Variants in ADGRG3 observed in about 807,000 individuals in gnomAD.
ADGRG3 encodes the protein adhesion G protein-coupled receptor G3.
A neutral mutation model predicts 54.3 loss-of-function variants in ADGRG3; 39 were observed. The ratio of observed to expected loss-of-function variants is 0.72; its 90% CI spans 0.56 to 0.94. The LOEUF (loss-of-function observed/expected upper bound fraction) is 0.94. Ranked by LOEUF, ADGRG3 falls within the 40% of genes least tolerant of loss-of-function variation. The pLI, the probability that ADGRG3 is intolerant of heterozygous loss-of-function variation, is 0.00. For missense variants in ADGRG3, 654 were observed against 694.6 expected (o/e 0.94, Z 0.66); for synonymous variants, 312 against 290.0 (o/e 1.08, Z -0.77).
chr16:57,671,009 G>A (rs570632419), intron 1 of ADGRG3, among the ~76,000 whole-genome samples: 110 of 152,224 alleles, frequency 7.2e-4, no homozygotes, highest in African/African-American at 2.6e-3. Flanking sequence ...GTGGCAATCC[G>A]AAAAGTGACA....
At chr16:57,682,244 G>A (rs962742530) in intron 8 of ADGRG3, among the ~76,000 whole-genome samples, 1 of 152,210 alleles carries the variant, frequency 6.6e-6, no homozygotes. Flanking sequence ...CCAGCTTGAA[G>A]GAGCCTAGGG....
chr16:57,684,068 G>T lies in ADGRG3; in HGVS notation c.1018G>T (p.Ala340Ser), dbSNP rs747504917. The change falls in exon 9 of 12, where the codon GCC becomes TCC. Residue 340 changes from alanine (A) to serine (S), a missense_variant. Physicochemically the swap from Ala to Ser is moderately conservative, Grantham distance 99 (BLOSUM62 1). Coordinates refer to ENST00000333493, the MANE Select transcript of ADGRG3 (RefSeq NM_170776.5). ...AAAGGGGTCTGATGCTGCCTGCTGG[G>T]CCCGGGGGGCTGTCTTCCACTACTT... ...GSKGSDAACW[A>S]RGAVFHYFLL... The T allele has an allele frequency of 6.2e-7, 1 of 1,614,078 alleles. No individual in the cohort carries two copies. Among genetic ancestry groups the T allele is most frequent in the African/African-American group, 1.3e-5 (1 of 75,020 alleles).
intron 10 of ADGRG3, among the ~76,000 whole-genome samples, chr16:57,684,912 A>C (rs184088753): frequency 1.3e-5 from 2 of 152,310 alleles, no homozygotes; most frequent in Non-Finnish European, 2.9e-5. Flanking sequence ...AGTGATTCAC[A>C]GTAGCCCTGG....
rs1299300501 is a variant in ADGRG3 at position 57,676,426 on chromosome 16, G to A, written c.345+88G>A. On this transcript the variant is annotated intron_variant, in intron 3 of 11. Coordinates refer to ENST00000333493, the MANE Select transcript of ADGRG3 (RefSeq NM_170776.5). ...AAACTCTAAGAGAGTTATATCCTGT[G>A]ATATAACTAGGGCTTGTCCCTCCCC... 7.9e-6 allele frequency: 10 copies of A among 1,273,772 alleles called. No homozygotes were observed. The South Asian group carries it at 1.1e-4, about 14-fold the overall frequency. The allele number at this position is 1,273,772 out of a possible 1,614,324, so 78.9% of individuals were successfully genotyped here. A position where few individuals can be genotyped will look rare whatever the true frequency, so the allele number is the denominator to read the frequency against.
upstream of ADGRG3, among the ~76,000 whole-genome samples, chr16:57,666,144 C>T (rs1171201242): frequency 4.6e-5 from 7 of 152,172 alleles, no homozygotes; most frequent in Non-Finnish European, 8.8e-5. Context: ...TCTAGGTCTC[C>T]GTGAGGGGGG....
Position 57,673,881 on chromosome 16 carries a change from G to C in ADGRG3, c.206+413G>C, listed in dbSNP as rs60467837. 9.6e-3 allele frequency among the ~76,000 whole-genome samples: 1,461 copies of C among 152,272 alleles called. 23 individuals are homozygous for C. Among genetic ancestry groups the C allele is most frequent in the African/African-American group, 0.033 (1,371 of 41,538 alleles). On this transcript the variant is annotated intron_variant, in intron 2 of 11. Coordinates refer to ENST00000333493, the MANE Select transcript of ADGRG3 (RefSeq NM_170776.5). ...CCAGCTGGATCTAAACAATGGTGAG[G>C]ATACAGGCAACAGAACTTGAAAGTA...
intron 11 of ADGRG3, 22 bp downstream of exon 11, chr16:57,685,948 G>C: frequency 1.9e-6 from 3 of 1,610,684 alleles, no homozygotes; most frequent in Non-Finnish European, 2.5e-6. Flanking sequence ...GCACCAGGGA[G>C]GTGATGGGCT....
chr16:57,665,845 G>A (rs1455992893), upstream of ADGRG3, among the ~76,000 whole-genome samples: 3 of 152,310 alleles, frequency 2.0e-5, no homozygotes, highest in Admixed American at 6.5e-5. Context: ...GGACAAGGTG[G>A]GTGTGAGGCA....
chr16:57,682,190 T>C (rs1439700015), intron 8 of ADGRG3, among the ~76,000 whole-genome samples: 1 of 152,208 alleles, frequency 6.6e-6, no homozygotes, highest in Admixed American at 6.5e-5. Flanking sequence ...CAGAGAGCAC[T>C]GCAGCCTGGG....
intron 6 of ADGRG3, 110 bp from the exon 7 acceptor site, chr16:57,680,155 C>T (rs1597771731): frequency 1.9e-6 from 1 of 528,334 alleles, no homozygotes; most frequent in African/African-American, 2.5e-5. Flanking sequence ...TCTCCCCTCC[C>T]TTACCCTCCC....
chr16:57,678,062 G>A (rs564316929), intron 3 of ADGRG3, 108 bp from the exon 4 acceptor site: 3 of 1,382,808 alleles, frequency 2.2e-6, no homozygotes, highest in African/African-American at 2.8e-5. Context: ...ACAGTCCCCA[G>A]GTGCTGCCCC....
At chr16:57,676,175 TC>T (rs1329445775) in intron 2 of ADGRG3, 24 bp from the exon 3 acceptor site, 4 of 1,609,316 alleles carry the variant, frequency 2.5e-6, no homozygotes, top group Non-Finnish European at 3.4e-6. Context: ...GATCCTACCC[TC>T]CCCCCATCCC....
intron 11 of ADGRG3, 64 bp from the exon 12 acceptor site, chr16:57,688,288 C>T: frequency 9.7e-7 from 1 of 1,036,124 alleles, no homozygotes; most frequent in Non-Finnish European, 1.5e-6. Context: ...CAGCCACCAG[C>T]CCAGGCTGCC....
In ADGRG3 at chr16:57,684,070, C is replaced by T; in HGVS notation, c.1020C>T (p.Ala340=). 1 of 1,614,002 alleles carries T rather than the reference C, an allele frequency of 6.2e-7. No homozygotes were observed. Among genetic ancestry groups the T allele is most frequent in the Non-Finnish European group, 8.5e-7 (1 of 1,179,962 alleles). The part of the protein sequence containing the change: ...GSKGSDAACW[A]RGAVFHYFLL... Reference sequence around the variant, plus strand: ...AGGGGTCTGATGCTGCCTGCTGGGCCCGGGGGGCTGTCTTCCACTACTTCC... The same window carrying T: ...AGGGGTCTGATGCTGCCTGCTGGGCTCGGGGGGCTGTCTTCCACTACTTCC... Residue 340 remains alanine (A), a synonymous_variant, in exon 9 of 12, where the codon GCC becomes GCT. Coordinates refer to ENST00000333493, the MANE Select transcript of ADGRG3 (RefSeq NM_170776.5).
chr16:57,686,014 A>T lies in ADGRG3; in HGVS notation c.1540+88A>T, dbSNP rs1484096721. On this transcript the variant is annotated intron_variant, in intron 11 of 11. Coordinates refer to ENST00000333493, the MANE Select transcript of ADGRG3 (RefSeq NM_170776.5). ...TGGGGAAGAGGGTGGTTTGCAAGAC[A>T]CAGGACTCTGTTCAGGCTAGCTGAA... The T allele has an allele frequency of 9.5e-5, 126 of 1,321,686 alleles. 2 individuals carry two copies. In the Admixed American group the frequency reaches 2.2e-3, roughly 23 times the overall value. 81.9% of individuals were successfully genotyped at this position (1,321,686 alleles called of 1,614,324 possible).
At chr16:57,666,229 G>T (rs72622276), upstream of ADGRG3, among the ~76,000 whole-genome samples, 17,647 of 152,148 alleles carry the variant, frequency 0.12, 1,115 homozygotes, top group East Asian at 0.25. Flanking sequence ...CCAGAATGGG[G>T]GGGAAATGAC....
rs770335777 is a variant in ADGRG3 at position 57,684,423 on chromosome 16, G to A, written c.1196G>A (p.Ser399Asn). The A allele has an allele frequency of 2.5e-6, 4 of 1,613,944 alleles. No homozygotes were observed. The highest frequency in any genetic ancestry group is 1.7e-5 in the Admixed American group (1 of 60,016). ...LPALMVIGTG[S>N]ANSYGLYTIR... The stretch of plus-strand genomic sequence containing the variant: ...GCCCTGATGGTCATCGGCACTGGGA[G>A]TGCCAACAGCTACGGCCTCTACACC... The change falls in exon 10 of 12, where the codon AGT (serine) becomes AAT (asparagine). Residue 399 changes from serine (S) to asparagine (N), a missense_variant. Physicochemically the swap from Ser to Asn is conservative, Grantham distance 46 (BLOSUM62 1). Transcript: ENST00000333493.
rs762889299 is a variant in ADGRG3 at position 57,685,630 on chromosome 16, C to T, written c.1257-13C>T. Reference sequence around the variant, plus strand: ...ACCACTCCCAGTCCCACCACAGCTGCCCCCTCCTCCAGATGCTGGTTCCGT... The same window carrying T: ...ACCACTCCCAGTCCCACCACAGCTGTCCCCTCCTCCAGATGCTGGTTCCGT... On this transcript the variant is annotated splice_polypyrimidine_tract_variant and intron_variant, in intron 10 of 11. Coordinates refer to ENST00000333493, the MANE Select transcript of ADGRG3 (RefSeq NM_170776.5). The T allele has an allele frequency of 6.8e-6, 11 of 1,612,768 alleles. No homozygotes were observed. The South Asian group carries it at 7.7e-5, about 11-fold the overall frequency.
intron 11 of ADGRG3, 56 bp from the exon 12 acceptor site, chr16:57,688,296 G>C: frequency 9.0e-7 from 1 of 1,108,980 alleles, no homozygotes; most frequent in Non-Finnish European, 1.4e-6. Flanking sequence ...AGCCCAGGCT[G>C]CCCCACTCTC....
Sources: gnomAD v4.1 joint callset for allele counts (sites outside exome capture counted in the v4.1 genomes callset) on GRCh38, gnomAD v4.1.1 for gene constraint, MANE v1.5 for transcripts, NCBI Gene and HGNC (gene_info 2026-07-23, HGNC 2026-07-21) for gene names.